SEMA3A: variants seen among roughly 807,000 people sequenced by gnomAD.
SEMA3A encodes the protein semaphorin 3A, also known as semaphorin-3A.
In SEMA3A, 29 loss-of-function variants were observed where a neutral mutation model predicts 97.9. That is an observed-to-expected ratio of 0.30 (90% CI 0.22 to 0.40). The LOEUF is 0.40. Ranked by LOEUF, SEMA3A falls within the 10% of genes least tolerant of loss-of-function variation. The pLI is 1.00. For missense variants in SEMA3A, 763 were observed against 951.3 expected, an observed-to-expected ratio of 0.80 and a Z score of 2.60; for synonymous variants, 321 against 323.7, an observed-to-expected ratio of 0.99 and a Z score of 0.09.
In SEMA3A at chr7:84,095,358, C is replaced by CACATATATATATATATATATATATAT. The variant is rs1211794166; in HGVS notation, c.453+15111_453+15112insATATATATATATATATATATATATGT. Reference sequence around the variant, plus strand: ...ATATATATTTTATATTTTTTATATACATATATATATATATATATATATATA... The same window carrying CACATATATATATATATATATATATAT: ...ATATATATTTTATATTTTTTATATACACATATATATATATATATATATATATATATATATATATATATATATATATA... On this transcript the variant is annotated intron_variant, in intron 4 of 16. Transcript: ENST00000265362. Among the ~76,000 whole-genome samples, 212 of 122,822 alleles carry CACATATATATATATATATATATATAT rather than the reference C, an allele frequency of 1.7e-3. 8 individuals carry two copies. Among genetic ancestry groups the CACATATATATATATATATATATATAT allele is most frequent in the Non-Finnish European group, 2.4e-3 (147 of 61,346 alleles). The allele number at this position is 122,822 out of a possible 152,430, so 80.6% of individuals were successfully genotyped here.
chr7:84,038,710 C>T (rs949742210), intron 6 of SEMA3A, among the ~76,000 whole-genome samples: 10 of 151,968 alleles, frequency 6.6e-5, no homozygotes, highest in South Asian at 4.1e-4. Context: ...TTAATGTCTT[C>T]TTAACTAATT....
intron 2 of SEMA3A, among the ~76,000 whole-genome samples, chr7:84,317,811 G>A (rs1323381770): frequency 6.6e-6 from 1 of 151,936 alleles, no homozygotes; most frequent in African/African-American, 2.4e-5. Flanking sequence ...ACTACTTTAG[G>A]AAGTCTTGAA....
chr7:84,329,459 C>A (rs1417925761), intron 2 of SEMA3A, among the ~76,000 whole-genome samples: 1 of 151,824 alleles, frequency 6.6e-6, no homozygotes, highest in Non-Finnish European at 1.5e-5. Flanking sequence ...TATATGTGGT[C>A]CAAGACAATA....
At chr7:84,331,656 C>A (rs1337439474) in intron 2 of SEMA3A, among the ~76,000 whole-genome samples, 1 of 151,936 alleles carries the variant, frequency 6.6e-6, no homozygotes, top group Non-Finnish European at 1.5e-5. Flanking sequence ...AGAAGGAAAC[C>A]AGCCAAGACT....
intron 3 of SEMA3A, among the ~76,000 whole-genome samples, chr7:84,265,248 T>G (rs1481476883): frequency 6.6e-6 from 1 of 151,914 alleles, no homozygotes; most frequent in African/African-American, 2.4e-5. Flanking sequence ...GCTTTTGTCT[T>G]TTTATCCCCA....
intron 1 of SEMA3A, among the ~76,000 whole-genome samples, chr7:84,433,962 C>A (rs1805053540): frequency 6.6e-6 from 1 of 151,978 alleles, no homozygotes; most frequent in African/African-American, 2.4e-5. Context: ...TTTGTAGATT[C>A]TGGATATTAG....
intron 1 of SEMA3A, among the ~76,000 whole-genome samples, chr7:84,168,379 A>T (rs1373525526): frequency 6.6e-6 from 1 of 152,034 alleles, no homozygotes. Flanking sequence ...TGCTGAGATA[A>T]CAATTTATTT....
intron 15 of SEMA3A, among the ~76,000 whole-genome samples, chr7:83,968,804 C>CTTTTTTTTTT (rs34837012): frequency 3.2e-4 from 28 of 86,958 alleles, no homozygotes; most frequent in East Asian, 6.4e-4. Context: ...CTTTTCTTTC[C>CTTTTTTTTTT]TTTTTTTTTT....
chr7:84,408,573 G>A (rs1804171352), intron 1 of SEMA3A, among the ~76,000 whole-genome samples: 1 of 152,010 alleles, frequency 6.6e-6, no homozygotes, highest in Admixed American at 6.6e-5. Context: ...AAATCATGCT[G>A]CTATAAAGAC....
At position 84,092,390 on chromosome 7, in the gene SEMA3A, C is replaced by T. The variant is rs1001039090; in HGVS notation, c.453+18080G>A. ...TTTGTTTCTACTTGTCTCCTTTGCACTCTCACTTTAAAACTCCCACTTCCT... is the reference window on the plus strand; with the variant it reads ...TTTGTTTCTACTTGTCTCCTTTGCATTCTCACTTTAAAACTCCCACTTCCT... On this transcript the variant is annotated intron_variant, in intron 4 of 16. Coordinates refer to ENST00000265362, the MANE Select transcript of SEMA3A (RefSeq NM_006080.3). Among the ~76,000 whole-genome samples the T allele has an allele frequency of 2.0e-5, 3 of 152,098 alleles. 1 individual carries two copies. The highest frequency in any genetic ancestry group is 1.3e-4 in the Admixed American group (2 of 15,258).
chr7:84,174,987 T>C (rs867075425), intron 1 of SEMA3A, among the ~76,000 whole-genome samples: 1 of 152,030 alleles, frequency 6.6e-6, no homozygotes, highest in Non-Finnish European at 1.5e-5. Flanking sequence ...TTTTTTAATC[T>C]TTTTTTTCTT....
At position 84,044,077 on chromosome 7, in the gene SEMA3A, T is replaced by C. The variant is rs115431184; in HGVS notation, c.667+2247A>G. ...AAGCCTTTATGCCCTTTAGGGTACTTAGTAGATCAAAGTCTTCTTTCTAAA... is the reference window on the plus strand; with the variant it reads ...AAGCCTTTATGCCCTTTAGGGTACTCAGTAGATCAAAGTCTTCTTTCTAAA... On this transcript the variant is annotated intron_variant, in intron 6 of 16. Coordinates refer to ENST00000265362, the MANE Select transcript of SEMA3A (RefSeq NM_006080.3). 4.8e-3 allele frequency among the ~76,000 whole-genome samples: 735 copies of C among 152,188 alleles called. 11 individuals are homozygous for C. Among genetic ancestry groups the C allele is most frequent in the African/African-American group, 0.017 (688 of 41,548 alleles).
At chr7:84,367,114 C>T (rs1802866397) in intron 2 of SEMA3A, among the ~76,000 whole-genome samples, 1 of 151,114 alleles carries the variant, frequency 6.6e-6, no homozygotes, top group African/African-American at 2.4e-5. Context: ...AATTAATGTC[C>T]TCAAGTAAGG....
chr7:84,066,451 T>G (rs1185487017), intron 4 of SEMA3A, among the ~76,000 whole-genome samples: 3 of 141,478 alleles, frequency 2.1e-5, no homozygotes, highest in Admixed American at 7.2e-5. Context: ...AAATAAAGGG[T>G]ATTCAATTAG....
rs563214395 is a variant in SEMA3A, at chr7:84,424,689, A to C, written c.-245-52789T>G. Among the ~76,000 whole-genome samples, 23 of 82,418 alleles carry C rather than the reference A, an allele frequency of 2.8e-4. No individual in the cohort carries two copies. The East Asian group carries it at 7.2e-3, about 26-fold the overall frequency. 54.1% of individuals were successfully genotyped at this position (82,418 alleles called of 152,430 possible). A position where few individuals can be genotyped will look rare whatever the true frequency, so the allele number is the denominator to read the frequency against. ...TATGTTATATAATATATAAATATAT[A>C]ATATATTGATATCAATATATAATAT... On this transcript the variant is annotated intron_variant, in intron 1 of 3. Transcript: ENST00000424555.
At chr7:84,268,248 CAT>C (rs1491585709) in intron 3 of SEMA3A, among the ~76,000 whole-genome samples, 19 of 106,690 alleles carry the variant, frequency 1.8e-4, no homozygotes, top group East Asian at 7.0e-4. Context: ...GAGACATAAG[CAT>C]GTGTGTGTGT....
intron 3 of SEMA3A, among the ~76,000 whole-genome samples, chr7:84,271,280 T>C (rs1288193745): frequency 1.3e-5 from 2 of 152,112 alleles, no homozygotes; most frequent in Non-Finnish European, 2.9e-5. Flanking sequence ...TTCAAACTCC[T>C]GGGCTCACGC....
At chr7:83,967,905 A>G (rs1205905636) in intron 15 of SEMA3A, among the ~76,000 whole-genome samples, 2 of 152,214 alleles carry the variant, frequency 1.3e-5, no homozygotes, top group African/African-American at 2.4e-5. Context: ...TACCTTATCC[A>G]TCACTTTAAA....
intron 3 of SEMA3A, among the ~76,000 whole-genome samples, chr7:84,301,778 A>G (rs923003007): frequency 3.3e-5 from 5 of 152,170 alleles, no homozygotes; most frequent in African/African-American, 1.2e-4. Flanking sequence ...TGGCTTAAGT[A>G]CTATAGTTTG....
Sources: allele counts gnomAD v4.1 joint callset (sites outside exome capture counted in the v4.1 genomes callset), GRCh38; gene constraint gnomAD v4.1.1; transcripts MANE v1.5; gene names NCBI Gene and HGNC (gene_info 2026-07-23, HGNC 2026-07-21).